DCDC1: variants seen among roughly 807,000 people sequenced by gnomAD.
The protein encoded by DCDC1 is doublecortin domain containing 1, also known as doublecortin domain-containing protein 1.
A neutral mutation model predicts 178.3 loss-of-function variants in DCDC1; 200 were observed. The ratio of observed to expected loss-of-function variants is 1.12; its 90% confidence interval spans 1.00 to 1.26. The LOEUF is 1.26. Among genes scored for constraint, DCDC1 ranks in the 50% most tolerant of loss-of-function variants. The probability of loss-of-function intolerance (pLI) is 0.00; values close to 1 mark genes in which losing one functional copy is unlikely to be tolerated. For missense variants in DCDC1, 1,983 were observed against 1,749.2 expected (o/e 1.13, Z -2.38); for synonymous variants, 690 against 604.8 (o/e 1.14, Z -2.07).
chr11:31,339,557 T>A (rs935001849), intron 1 of DCDC1, among the ~76,000 whole-genome samples: 4 of 152,172 alleles, frequency 2.6e-5, no homozygotes, highest in Admixed American at 2.0e-4. Context: ...AACTCTCCAA[T>A]AATATTATAG....
chr11:31,237,142 T>A (rs895238694), intron 9 of DCDC1, among the ~76,000 whole-genome samples: 16 of 152,092 alleles, frequency 1.1e-4, no homozygotes, highest in African/African-American at 3.8e-4. Flanking sequence ...ATTATACTAT[T>A]GTTTGATACC....
intron 8 of DCDC1, chr11:31,262,978 T>C: frequency 6.6e-7 from 1 of 1,521,292 alleles, no homozygotes; most frequent in Non-Finnish European, 8.9e-7. Flanking sequence ...CATTAAAATG[T>C]GATAATAGCA....
At chr11:31,020,532 T>G (rs1952798207) in intron 20 of DCDC1, among the ~76,000 whole-genome samples, 2 of 152,196 alleles carry the variant, frequency 1.3e-5, no homozygotes, top group Admixed American at 6.5e-5. Context: ...TTTGGCCACT[T>G]CTCTTTCCTC....
intron 38 of DCDC1, among the ~76,000 whole-genome samples, chr11:30,865,688 C>T (rs547424925): frequency 6.6e-6 from 1 of 152,090 alleles, no homozygotes; most frequent in South Asian, 2.1e-4. Context: ...CAAGGTTTAA[C>T]TAAAATTGAT....
intron 18 of DCDC1, 83 bp from the exon 19 acceptor site, chr11:31,065,236 T>A (rs1432303437): frequency 3.6e-6 from 2 of 558,408 alleles, no homozygotes; most frequent in East Asian, 5.5e-5. Context: ...GAGAGGAGGA[T>A]AAATTACATT....
rs1328060373 is a variant in DCDC1, at chr11:31,262,869, C to T, written c.1054+2638G>A. On this transcript the variant is annotated intron_variant, in intron 8 of 38. Coordinates refer to ENST00000684477, the MANE Select transcript of DCDC1 (RefSeq NM_001387274.1). ...ATTAGCTTCTTTAAATATTTTAAGT[C>T]CAGTGAACTTGTAATGCTTCCACAT... The T allele has an allele frequency of 1.0e-5, 5 of 492,394 alleles. No individual in the cohort carries two copies. The East Asian group carries it at 1.6e-4, about 16-fold the overall frequency. 30.5% of individuals were successfully genotyped at this position (492,394 alleles called of 1,614,324 possible). A position where few individuals can be genotyped will look rare whatever the true frequency, so the allele number is the denominator to read the frequency against.
chr11:31,356,959 A>T (rs2133347842), intron 1 of DCDC1, among the ~76,000 whole-genome samples: 1 of 152,266 alleles, frequency 6.6e-6, no homozygotes, highest in Middle Eastern at 3.4e-3. Flanking sequence ...CTTACCAACC[A>T]AAAAGAGTGC....
chr11:31,092,386 A>T (rs933499893), intron 16 of DCDC1, among the ~76,000 whole-genome samples: 1 of 152,218 alleles, frequency 6.6e-6, no homozygotes, highest in Admixed American at 6.5e-5. Context: ...TACAGAAAAA[A>T]GAACTGCTTA....
chr11:31,096,774 T>G (rs1185480902), intron 15 of DCDC1, among the ~76,000 whole-genome samples: 2 of 152,154 alleles, frequency 1.3e-5, no homozygotes, highest in Non-Finnish European at 2.9e-5. Flanking sequence ...ATTTTTCTTC[T>G]GTGACTTCAC....
chr11:30,884,033 A>ACTTTTTTTTTTTTT (rs1942940104), intron 36 of DCDC1, among the ~76,000 whole-genome samples: 1 of 95,784 alleles, frequency 1.0e-5, no homozygotes, highest in East Asian at 2.6e-4. Context: ...ATTCTTTCTC[A>ACTTTTTTTTTTTTT]TTTTTTTTTT....
intron 17 of DCDC1, among the ~76,000 whole-genome samples, chr11:31,089,317 G>T (rs1364341990): frequency 6.6e-6 from 1 of 151,964 alleles, no homozygotes; most frequent in Non-Finnish European, 1.5e-5. Flanking sequence ...CCTTATTTTA[G>T]CTCCTCTTGT....
At chr11:31,230,324 TA>T (rs1267872272) in intron 9 of DCDC1, among the ~76,000 whole-genome samples, 1 of 137,808 alleles carries the variant, frequency 7.3e-6, no homozygotes, top group Admixed American at 7.1e-5. Flanking sequence ...TTTTTTACAA[TA>T]AAAAATAGTC....
intron 9 of DCDC1, among the ~76,000 whole-genome samples, chr11:31,187,148 C>T (rs1197279314): frequency 6.6e-6 from 1 of 152,168 alleles, no homozygotes; most frequent in Non-Finnish European, 1.5e-5. Flanking sequence ...TTTGAGAACA[C>T]TTTATTTGTC....
chr11:31,304,151 C>A (rs1331099707), intron 6 of DCDC1, among the ~76,000 whole-genome samples: 1 of 152,144 alleles, frequency 6.6e-6, no homozygotes, highest in Non-Finnish European at 1.5e-5. Flanking sequence ...CCACCAAGCT[C>A]AGTCATGTGT....
intron 1 of DCDC1, among the ~76,000 whole-genome samples, chr11:31,338,685 G>A (rs947713019): frequency 6.6e-6 from 1 of 152,128 alleles, no homozygotes; most frequent in African/African-American, 2.4e-5. Flanking sequence ...CCAAAGAAGG[G>A]GGTATGGGGC....
intron 9 of DCDC1, among the ~76,000 whole-genome samples, chr11:31,172,676 T>C (rs1194927106): frequency 1.3e-5 from 2 of 152,116 alleles, no homozygotes; most frequent in Non-Finnish European, 2.9e-5. Context: ...TAACATAAGC[T>C]AGAGAAAAGA....
chr11:31,127,558 C>A lies in DCDC1; in HGVS notation c.1396G>T (p.Ala466Ser), dbSNP rs1427380805. 1 of 702,724 alleles carries A rather than the reference C, an allele frequency of 1.4e-6. No individual in the cohort carries two copies. Among genetic ancestry groups the A allele is most frequent in the Non-Finnish European group, 2.6e-6 (1 of 384,800 alleles). The allele number at this position is 702,724 out of a possible 1,614,324, so 43.5% of individuals were successfully genotyped here. ...TAAGAGGAGAATTGCTCCTGCTCAGCCTGTAATTGGGGGCCAAGTTTACAG... is the reference window on the plus strand; with the variant it reads ...TAAGAGGAGAATTGCTCCTGCTCAGACTGTAATTGGGGGCCAAGTTTACAG... Reference protein sequence around the residue: ...HLCKLGPQLQAEQEQFSSYVY... With the variant: ...HLCKLGPQLQSEQEQFSSYVY... Residue 466 changes from alanine (A) to serine (S), a missense_variant, in exon 11 of 39, where the codon GCT becomes TCT. Transcript: ENST00000684477.
intron 11 of DCDC1, among the ~76,000 whole-genome samples, chr11:31,118,001 G>T (rs1029700406): frequency 1.3e-5 from 2 of 152,094 alleles, no homozygotes; most frequent in Admixed American, 6.6e-5. Flanking sequence ...AAAGAGCTTG[G>T]TAAATAAAGG....
chr11:30,907,133 A>G (rs1486814714), intron 29 of DCDC1, among the ~76,000 whole-genome samples: 1 of 152,240 alleles, frequency 6.6e-6, no homozygotes, highest in Non-Finnish European at 1.5e-5. Context: ...AGGGAGCAAC[A>G]GAAAGACTGA....
Sources: gnomAD v4.1 joint callset for allele counts (sites outside exome capture counted in the v4.1 genomes callset) on GRCh38, gnomAD v4.1.1 for gene constraint, MANE v1.5 for transcripts, NCBI Gene and HGNC (gene_info 2026-07-23, HGNC 2026-07-21) for gene names.